The following HMGCLL1 variants were observed in gnomAD, a reference collection of about 807,000 sequenced individuals.
The protein encoded by HMGCLL1 is 3-hydroxy-3-methylglutaryl-CoA lyase like 1, also known as 3-hydroxymethyl-3-methylglutaryl-CoA lyase, cytoplasmic.
A neutral mutation model predicts 39.1 loss-of-function variants in HMGCLL1; 36 were observed. The ratio of observed to expected loss-of-function variants is 0.92; its 90% CI spans 0.71 to 1.22. The LOEUF (loss-of-function observed/expected upper bound fraction) is 1.22, where lower values mean the gene tolerates loss of function less well. Among genes scored for constraint, HMGCLL1 ranks in the 50% most tolerant of loss-of-function variants. The pLI is 0.00. For missense variants in HMGCLL1, 451 were observed against 416.5 expected (o/e 1.08, Z -0.72); for synonymous variants, 149 against 144.0 (o/e 1.03, Z -0.25).
At position 55,578,956 on chromosome 6, in the gene HMGCLL1, G is replaced by T; in HGVS notation, c.100C>A (p.Pro34Thr). The T allele has an allele frequency of 6.2e-7, 1 of 1,610,998 alleles. No individual in the cohort carries two copies. The highest frequency in any genetic ancestry group is 8.5e-7 in the Non-Finnish European group (1 of 1,178,714). ...GGGCCGCGAGGTGGTACCTGCGCGG[G>T]GTCGAGCGCCCCTGCCACTGAATCC... ...IGDSVAGALD[P>T]AQETSQLSGL... Residue 34 changes from proline (P) to threonine (T), a missense_variant, in exon 1 of 9, where the codon CCC becomes ACC. By Grantham distance (38) the Pro-to-Thr change is conservative. Coordinates refer to ENST00000274901, the MANE Select transcript of HMGCLL1 (RefSeq NM_001042406.2).
rs375796442 is a variant in HMGCLL1 at position 55,449,675 on chromosome 6, T to C, written c.796-10116A>G. On this transcript the variant is annotated intron_variant, in intron 7 of 8. Transcript: ENST00000274901. ...TCTTTTCTGCCTTCTCTTCTGCTAATTGAACGTTTTACGATTTTATTGGAT... is the reference window on the plus strand; with the variant it reads ...TCTTTTCTGCCTTCTCTTCTGCTAACTGAACGTTTTACGATTTTATTGGAT... Among the ~76,000 whole-genome samples the C allele has an allele frequency of 2.6e-4, 40 of 152,350 alleles. 1 individual carries two copies. Among genetic ancestry groups the C allele is most frequent in the East Asian group, 1.4e-3 (7 of 5,184 alleles).
intron 7 of HMGCLL1, among the ~76,000 whole-genome samples, chr6:55,480,310 A>G (rs1334947644): frequency 6.6e-6 from 1 of 151,646 alleles, no homozygotes; most frequent in Non-Finnish European, 1.5e-5. Context: ...AAAATGGAAA[A>G]AAGATCTGAA....
At chr6:55,612,024 T>G in the HMGCLL1 span, among the ~76,000 whole-genome samples, 1 of 152,090 alleles carries the variant, frequency 6.6e-6, no homozygotes, top group Non-Finnish European at 1.5e-5. Context: ...TGTCCTTGTT[T>G]GTAGATGACT....
intron 1 of HMGCLL1, among the ~76,000 whole-genome samples, chr6:55,550,236 C>T (rs571135469): frequency 2.6e-5 from 4 of 152,028 alleles, no homozygotes; most frequent in South Asian, 2.1e-4. Context: ...TAGACTACAG[C>T]GGATGTTGTG....
At chr6:55,544,890 G>A (rs1285337287) in intron 1 of HMGCLL1, among the ~76,000 whole-genome samples, 1 of 152,128 alleles carries the variant, frequency 6.6e-6, no homozygotes, top group African/African-American at 2.4e-5. Flanking sequence ...AGGGATGAGA[G>A]GAAGGCCTGG....
Position 55,495,450 on chromosome 6 carries a change from T to A in HMGCLL1, c.764A>T (p.Gln255Leu). The change falls in exon 7 of 9, where the codon CAA (glutamine) becomes CTA (leucine). Residue 255 changes from glutamine to leucine, a missense_variant. Physicochemically the swap from Gln to Leu is moderately radical, Grantham distance 113. Transcript: ENST00000274901. ...GGCCGTAAGGATATTTGCTAAGGCT[T>A]GTCCGTATGTGTCATGACAGTGAAC... The part of the protein sequence containing the change: ...LAVHCHDTYG[Q>L]ALANILTALQ... The A allele has an allele frequency of 6.2e-7, 1 of 1,613,976 alleles. No homozygotes were observed. The highest frequency in any genetic ancestry group is 1.1e-5 in the South Asian group (1 of 91,070).
At chr6:55,520,764 G>A (rs955807330) in intron 3 of HMGCLL1, among the ~76,000 whole-genome samples, 3 of 151,656 alleles carry the variant, frequency 2.0e-5, no homozygotes, top group South Asian at 2.1e-4. Flanking sequence ...TTTTTCAGAC[G>A]TTGCAGTGAT....
At chr6:55,459,544 T>G (rs765079989) in intron 7 of HMGCLL1, among the ~76,000 whole-genome samples, 1 of 152,092 alleles carries the variant, frequency 6.6e-6, no homozygotes, top group African/African-American at 2.4e-5. Flanking sequence ...GTTTTTGATG[T>G]TAGCTCTGAC....
intron 7 of HMGCLL1, among the ~76,000 whole-genome samples, chr6:55,440,832 ATCTCTT>A (rs1437224640): frequency 6.6e-6 from 1 of 152,036 alleles, no homozygotes; most frequent in Non-Finnish European, 1.5e-5. Flanking sequence ...TCATGTGGGA[ATCTCTT>A]TCTCCCTTCC....
intron 7 of HMGCLL1, among the ~76,000 whole-genome samples, chr6:55,441,319 A>T (rs192742214): frequency 9.3e-4 from 142 of 152,220 alleles, no homozygotes; most frequent in African/African-American, 3.3e-3. Flanking sequence ...TTGGATATTG[A>T]CTATAGGGGT....
chr6:55,620,289 G>A, the HMGCLL1 span, among the ~76,000 whole-genome samples: 1 of 152,066 alleles, frequency 6.6e-6, no homozygotes. Flanking sequence ...CACAGTGGCT[G>A]TACTAATTTA....
chr6:55,627,901 TATATATACTATATATATATA>T, the HMGCLL1 span, among the ~76,000 whole-genome samples: 9 of 17,480 alleles, frequency 5.1e-4, 1 homozygote, highest in Admixed American at 1.2e-3. Flanking sequence ...ATATATATAG[TATATATACTATATATATATA>T]ATATATATAC....
intron 1 of HMGCLL1, among the ~76,000 whole-genome samples, chr6:55,551,044 C>CAAAA (rs773132435): frequency 1.4e-4 from 15 of 107,702 alleles, no homozygotes; most frequent in African/African-American, 4.9e-4. Context: ...ATTTTCAGAC[C>CAAAA]AAAAAAAAAA....
chr6:55,611,708 A>G, the HMGCLL1 span, among the ~76,000 whole-genome samples: 2 of 152,200 alleles, frequency 1.3e-5, no homozygotes, highest in Non-Finnish European at 1.5e-5. Flanking sequence ...CAAAAACCAC[A>G]TGCTTATCTC....
chr6:55,525,771 T>C (rs1432420941), intron 3 of HMGCLL1, among the ~76,000 whole-genome samples: 1 of 151,996 alleles, frequency 6.6e-6, no homozygotes, highest in Non-Finnish European at 1.5e-5. Context: ...GCACATTCAG[T>C]AATTTCCTCT....
chr6:55,522,023 G>A (rs1185839747), intron 3 of HMGCLL1, among the ~76,000 whole-genome samples: 1 of 151,966 alleles, frequency 6.6e-6, no homozygotes, highest in Non-Finnish European at 1.5e-5. Context: ...CTGAAACGGA[G>A]AAAGTTTGAG....
At chr6:55,652,221 C>T in the HMGCLL1 span, among the ~76,000 whole-genome samples, 2 of 152,014 alleles carry the variant, frequency 1.3e-5, no homozygotes, top group Non-Finnish European at 2.9e-5. Flanking sequence ...ATTTCTTATG[C>T]TTCTAACAAG....
chr6:55,452,985 T>G (rs949416781), intron 7 of HMGCLL1, among the ~76,000 whole-genome samples: 11 of 151,696 alleles, frequency 7.3e-5, no homozygotes, highest in Non-Finnish European at 1.5e-4. Context: ...AAGGAAGGGG[T>G]GGAGGAGAGG....
At chr6:55,472,237 C>G (rs893228659) in intron 7 of HMGCLL1, among the ~76,000 whole-genome samples, 1 of 151,606 alleles carries the variant, frequency 6.6e-6, no homozygotes, top group Non-Finnish European at 1.5e-5. Context: ...AAACTCCCAA[C>G]AGCAATATGT....
Sources: allele counts gnomAD v4.1 joint callset (sites outside exome capture counted in the v4.1 genomes callset), GRCh38; gene constraint gnomAD v4.1.1; transcripts MANE v1.5; gene names NCBI Gene and HGNC (gene_info 2026-07-23, HGNC 2026-07-21).